SGCZ: variants seen among roughly 807,000 people sequenced by gnomAD.
The protein encoded by SGCZ is zeta-sarcoglycan.
SGCZ carries 40 observed loss-of-function variants against 41.3 expected under a neutral mutation model. The ratio of observed to expected loss-of-function variants is 0.97; its 90% confidence interval spans 0.75 to 1.26. SGCZ has a LOEUF of 1.26. Ranked by LOEUF, SGCZ falls within the 50% of genes most tolerant of loss-of-function variation. SGCZ has a pLI of 0.00. For missense variants in SGCZ, 552 were observed against 369.8 expected, an observed-to-expected ratio of 1.49 and a Z score of -4.04; for synonymous variants, 206 against 137.5, an observed-to-expected ratio of 1.50 and a Z score of -3.49.
intron 1 of SGCZ, among the ~76,000 whole-genome samples, chr8:14,838,811 A>C (rs765436165): frequency 3.9e-5 from 6 of 152,136 alleles, no homozygotes; most frequent in Non-Finnish European, 8.8e-5. Flanking sequence ...ATCATCACAT[A>C]AAAGAACACA....
chr8:14,329,364 G>C (rs1329288657), intron 2 of SGCZ, among the ~76,000 whole-genome samples: 1 of 152,036 alleles, frequency 6.6e-6, no homozygotes, highest in Admixed American at 6.6e-5. Flanking sequence ...ATTGGACCTG[G>C]TATATTTTTA....
intron 2 of SGCZ, among the ~76,000 whole-genome samples, chr8:14,386,062 T>C: frequency 6.6e-6 from 1 of 152,164 alleles, no homozygotes; most frequent in East Asian, 1.9e-4. Context: ...TTTGTTTTTA[T>C]TTTCTAAATA....
intron 1 of SGCZ, among the ~76,000 whole-genome samples, chr8:14,727,672 G>A (rs1185901349): frequency 6.6e-6 from 1 of 151,784 alleles, no homozygotes; most frequent in African/African-American, 2.4e-5. Flanking sequence ...CACCACGCCC[G>A]GCTAATTTTT....
At chr8:14,374,940 T>C (rs1804057377) in intron 2 of SGCZ, among the ~76,000 whole-genome samples, 1 of 152,098 alleles carries the variant, frequency 6.6e-6, no homozygotes, top group South Asian at 2.1e-4. Flanking sequence ...TGGAAATCAA[T>C]AAAGGGGATG....
intron 3 of SGCZ, among the ~76,000 whole-genome samples, chr8:14,270,221 A>G (rs1398210860): frequency 2.0e-5 from 3 of 152,084 alleles, no homozygotes; most frequent in Non-Finnish European, 4.4e-5. Flanking sequence ...AATCCCAGCT[A>G]CTAGGGAGGC....
chr8:14,163,537 A>C (rs1477360868), intron 5 of SGCZ, among the ~76,000 whole-genome samples: 1 of 152,170 alleles, frequency 6.6e-6, no homozygotes, highest in Non-Finnish European at 1.5e-5. Flanking sequence ...ATAAAGAGCC[A>C]ACACAACCTC....
At chr8:14,463,056 A>T (rs1585548640) in intron 2 of SGCZ, among the ~76,000 whole-genome samples, 1 of 151,934 alleles carries the variant, frequency 6.6e-6, no homozygotes, top group East Asian at 1.9e-4. Flanking sequence ...TTTGCTGAAT[A>T]GGTTTATTAA....
intron 1 of SGCZ, among the ~76,000 whole-genome samples, chr8:14,736,194 G>C (rs551693038): frequency 7.3e-4 from 111 of 152,156 alleles, no homozygotes; most frequent in African/African-American, 2.6e-3. Flanking sequence ...ATGTTTTGTA[G>C]AGGTTCATAC....
intron 2 of SGCZ, among the ~76,000 whole-genome samples, chr8:14,394,677 C>T (rs1804916794): frequency 1.3e-5 from 2 of 151,950 alleles, no homozygotes; most frequent in South Asian, 2.1e-4. Context: ...AAGGCCTAAA[C>T]TACCACTGTG....
In SGCZ at chr8:14,926,282, T is replaced by C. The variant is rs113084026; in HGVS notation, c.39+311303A>G. ...AAGCATAAAAAATAATAAAAGATCA[T>C]CGAAAAAATATTGTCATCATGTTTC... On this transcript the variant is annotated intron_variant, in intron 1 of 7. Coordinates refer to ENST00000382080, the MANE Select transcript of SGCZ (RefSeq NM_139167.4). 1.3e-3 allele frequency among the ~76,000 whole-genome samples: 194 copies of C among 152,248 alleles called. 2 individuals carry two copies. The highest frequency in any genetic ancestry group is 9.5e-3 in the South Asian group (46 of 4,828).
chr8:14,801,247 A>G (rs1801312902), intron 1 of SGCZ, among the ~76,000 whole-genome samples: 1 of 152,178 alleles, frequency 6.6e-6, no homozygotes, highest in Admixed American at 6.5e-5. Context: ...CAGAAATTAT[A>G]TGGGTTGGTC....
intron 3 of SGCZ, among the ~76,000 whole-genome samples, chr8:14,291,049 A>C (rs188677721): frequency 6.6e-6 from 1 of 152,072 alleles, no homozygotes; most frequent in Admixed American, 6.6e-5. Flanking sequence ...ACATGGATGA[A>C]CTTGGAGGAC....
chr8:14,399,088 T>C (rs73664349), intron 2 of SGCZ, among the ~76,000 whole-genome samples: 6,837 of 152,178 alleles, frequency 0.045, 496 homozygotes, highest in African/African-American at 0.15. Flanking sequence ...ACGTGATCAT[T>C]ATTATTTTGA....
intron 4 of SGCZ, among the ~76,000 whole-genome samples, chr8:14,176,613 A>T (rs995464310): frequency 1.3e-5 from 2 of 152,186 alleles, no homozygotes; most frequent in Non-Finnish European, 2.9e-5. Context: ...ACAAAAATAT[A>T]AATTCTCAAA....
At chr8:14,493,871 G>T (rs1801915011) in intron 2 of SGCZ, among the ~76,000 whole-genome samples, 1 of 151,808 alleles carries the variant, frequency 6.6e-6, no homozygotes, top group Non-Finnish European at 1.5e-5. Flanking sequence ...ATTTATAATA[G>T]ATAAATCCAA....
At chr8:14,445,357 A>G (rs972127194) in intron 2 of SGCZ, among the ~76,000 whole-genome samples, 8 of 152,170 alleles carry the variant, frequency 5.3e-5, no homozygotes, top group Non-Finnish European at 1.2e-4. Flanking sequence ...CCTAAGGCCT[A>G]ACCCACACCT....
chr8:15,221,762 A>G (rs1216949735), intron 1 of SGCZ, among the ~76,000 whole-genome samples: 3 of 152,148 alleles, frequency 2.0e-5, no homozygotes, highest in Admixed American at 1.3e-4. Context: ...AATTTAACTC[A>G]TCTTTGCACA....
chr8:14,312,997 G>T (rs1291325271), intron 3 of SGCZ, among the ~76,000 whole-genome samples: 1 of 152,154 alleles, frequency 6.6e-6, no homozygotes, highest in South Asian at 2.1e-4. Flanking sequence ...GAATTTCCCA[G>T]TGGTTAAGGA....
chr8:15,176,767 C>T (rs916486470), intron 1 of SGCZ, among the ~76,000 whole-genome samples: 6 of 152,216 alleles, frequency 3.9e-5, no homozygotes, highest in South Asian at 2.1e-4. Context: ...TTTGGGAGGC[C>T]GAGGTGGGCG....
Sources: gnomAD v4.1 joint callset for allele counts (sites outside exome capture counted in the v4.1 genomes callset) on GRCh38, gnomAD v4.1.1 for gene constraint, MANE v1.5 for transcripts, NCBI Gene and HGNC (gene_info 2026-07-23, HGNC 2026-07-21) for gene names.